Variants in RABGAP1L observed in about 807,000 individuals in gnomAD.
RABGAP1L encodes the protein rab GTPase-activating protein 1-like.
In RABGAP1L, 63 loss-of-function variants were observed where a neutral mutation model predicts 137.7. That is an observed-to-expected ratio of 0.46 (90% CI 0.37 to 0.56). RABGAP1L has a LOEUF of 0.56. RABGAP1L is among the 20% of genes least tolerant of loss of function. The pLI, the probability that RABGAP1L is intolerant of heterozygous loss-of-function variation, is 0.00. For synonymous variants in RABGAP1L, 431 were observed against 433.7 expected (o/e 0.99, Z 0.08); for missense variants, 1,095 against 1,244.0 (o/e 0.88, Z 1.80).
intron 17 of RABGAP1L, among the ~76,000 whole-genome samples, chr1:174,729,923 G>T (rs1336239412): frequency 6.6e-6 from 1 of 152,154 alleles, no homozygotes; most frequent in Admixed American, 6.5e-5. Context: ...ATTTCTCAAA[G>T]AACTTAAAAC....
chr1:174,445,184 A>C (rs1433914030), intron 13 of RABGAP1L, among the ~76,000 whole-genome samples: 1 of 152,102 alleles, frequency 6.6e-6, no homozygotes, highest in African/African-American at 2.4e-5. Flanking sequence ...ATTCTGACAT[A>C]ATTTGTAAAT....
chr1:174,230,660 G>A (rs1487101835), intron 3 of RABGAP1L, among the ~76,000 whole-genome samples: 1 of 152,092 alleles, frequency 6.6e-6, no homozygotes, highest in Non-Finnish European at 1.5e-5. Context: ...TATCGTTGTG[G>A]GAACCTGGCA....
At chr1:174,892,118 T>C (rs1656261573) in intron 19 of RABGAP1L, among the ~76,000 whole-genome samples, 1 of 152,212 alleles carries the variant, frequency 6.6e-6, no homozygotes, top group Non-Finnish European at 1.5e-5. Flanking sequence ...CTGGAGCCCG[T>C]GGCTTCCCTG....
intron 13 of RABGAP1L, among the ~76,000 whole-genome samples, chr1:174,464,809 A>C (rs1475657210): frequency 6.6e-6 from 1 of 151,336 alleles, no homozygotes; most frequent in Non-Finnish European, 1.5e-5. Context: ...CTTTTTTTGA[A>C]TCTTTATGTA....
intron 4 of RABGAP1L, among the ~76,000 whole-genome samples, chr1:174,231,922 A>G (rs1257036383): frequency 6.6e-6 from 1 of 152,210 alleles, no homozygotes; most frequent in African/African-American, 2.4e-5. Context: ...GGAGATTACA[A>G]TTTGACATGA....
Position 174,869,414 on chromosome 1 carries a change from C to T in RABGAP1L, c.2340+57454C>T, listed in dbSNP as rs1573588500. Among the ~76,000 whole-genome samples, 7 of 152,198 alleles carry T rather than the reference C, an allele frequency of 4.6e-5. No individual in the cohort carries two copies. In the South Asian group the frequency reaches 1.2e-3, roughly 27 times the overall value. On this transcript the variant is annotated intron_variant, in intron 19 of 25. Transcript: ENST00000681986. ...GGTTTTATAAGCATCTGGCATTTCCCCTGCTTTCCCTTCTCTCTCCTGCCG... is the reference window on the plus strand; with the variant it reads ...GGTTTTATAAGCATCTGGCATTTCCTCTGCTTTCCCTTCTCTCTCCTGCCG...
rs187896502 is a variant in RABGAP1L, at chr1:174,900,412, G to A, written c.2341-57045G>A. On this transcript the variant is annotated intron_variant, in intron 19 of 25. Coordinates refer to ENST00000681986, the MANE Select transcript of RABGAP1L (RefSeq NM_001366446.1). ...TCACAGAGTCATTTACTCAGACTGC[G>A]CCCTATTTTAAATGGAGAGGATGTT... is the stretch of plus-strand genomic sequence containing the variant. Among the ~76,000 whole-genome samples, 289 of 152,278 alleles carry A rather than the reference G, an allele frequency of 1.9e-3. 2 individuals are homozygous for A. Among genetic ancestry groups the A allele is most frequent in the African/African-American group, 5.2e-3 (218 of 41,568 alleles).
chr1:174,172,176 TTGTGTGTGTGTGTGTGTGTGTGTGTGTG>T (rs34345014), intron 1 of RABGAP1L, among the ~76,000 whole-genome samples: 3 of 123,580 alleles, frequency 2.4e-5, no homozygotes, highest in Admixed American at 8.6e-5. Flanking sequence ...TAATATTCCC[TTGTGTGTGTGTGTGTGTGTGTGTGTGTG>T]TGTGTGTGTG....
chr1:174,596,824 C>T (rs144343205), intron 13 of RABGAP1L, among the ~76,000 whole-genome samples: 146 of 152,184 alleles, frequency 9.6e-4, no homozygotes, highest in African/African-American at 3.1e-3. Flanking sequence ...TCAGGTTTTA[C>T]GCATATGTAG....
At chr1:174,836,549 C>T (rs1212829540) in intron 19 of RABGAP1L, among the ~76,000 whole-genome samples, 1 of 152,182 alleles carries the variant, frequency 6.6e-6, no homozygotes, top group Non-Finnish European at 1.5e-5. Flanking sequence ...ATGTTTTCTT[C>T]CTTTGTACAT....
intron 13 of RABGAP1L, among the ~76,000 whole-genome samples, chr1:174,471,064 A>G (rs1270008197): frequency 6.6e-6 from 1 of 151,426 alleles, no homozygotes; most frequent in East Asian, 1.9e-4. Flanking sequence ...TGATTTACTG[A>G]TATTGATTAT....
At chr1:174,706,835 A>G (rs191536600) in intron 17 of RABGAP1L, among the ~76,000 whole-genome samples, 1 of 152,330 alleles carries the variant, frequency 6.6e-6, no homozygotes, top group Admixed American at 6.5e-5. Flanking sequence ...GAATCATACA[A>G]TACGAACTCT....
intron 18 of RABGAP1L, among the ~76,000 whole-genome samples, chr1:174,791,894 A>G (rs1045853028): frequency 1.3e-5 from 2 of 152,206 alleles, no homozygotes; most frequent in Non-Finnish European, 2.9e-5. Flanking sequence ...CTCAGGGCAG[A>G]CTTGTGGATA....
At chr1:174,755,463 T>C (rs1684668475) in intron 18 of RABGAP1L, among the ~76,000 whole-genome samples, 1 of 152,220 alleles carries the variant, frequency 6.6e-6, no homozygotes, top group African/African-American at 2.4e-5. Context: ...TCAGTCAGAA[T>C]AGGTTTTTTG....
chr1:174,297,394 C>T (rs764625926), intron 10 of RABGAP1L, among the ~76,000 whole-genome samples: 1 of 152,034 alleles, frequency 6.6e-6, no homozygotes, highest in South Asian at 2.1e-4. Context: ...AGTGCTAGAG[C>T]GCCTCCCGCC....
intron 19 of RABGAP1L, among the ~76,000 whole-genome samples, chr1:174,827,225 A>G (rs1691656336): frequency 6.6e-6 from 1 of 152,114 alleles, no homozygotes; most frequent in Non-Finnish European, 1.5e-5. Flanking sequence ...GCTCACTGCA[A>G]TCTTGAACTA....
chr1:174,868,724 T>A (rs1448730341), intron 19 of RABGAP1L, among the ~76,000 whole-genome samples: 1 of 152,178 alleles, frequency 6.6e-6, no homozygotes, highest in Admixed American at 6.5e-5. Flanking sequence ...GAGAGGTAAT[T>A]GATTAAATTC....
chr1:174,317,875 G>A (rs886346926), intron 11 of RABGAP1L, among the ~76,000 whole-genome samples: 2 of 152,068 alleles, frequency 1.3e-5, no homozygotes, highest in African/African-American at 4.8e-5. Flanking sequence ...CTCCATGGGC[G>A]GGCATCAGCA....
At chr1:174,598,817 C>G (rs1364789925) in intron 13 of RABGAP1L, among the ~76,000 whole-genome samples, 3 of 151,806 alleles carry the variant, frequency 2.0e-5, no homozygotes, top group Non-Finnish European at 4.4e-5. Flanking sequence ...TTCTTGTAGC[C>G]AAAAGATCAT....
Sources: gnomAD v4.1 joint callset for allele counts (sites outside exome capture counted in the v4.1 genomes callset) on GRCh38, gnomAD v4.1.1 for gene constraint, MANE v1.5 for transcripts, NCBI Gene and HGNC (gene_info 2026-07-23, HGNC 2026-07-21) for gene names.